Variants in TRIM27 observed in about 807,000 individuals in gnomAD.
The protein encoded by TRIM27 is zinc finger protein RFP.
TRIM27 carries 12 observed loss-of-function variants against 57.6 expected under a neutral mutation model. The observed-to-expected ratio is 0.21, with a 90% confidence interval of 0.13 to 0.34. The LOEUF is 0.34. Ranked by LOEUF, TRIM27 falls within the 10% of genes least tolerant of loss-of-function variation. TRIM27 has a pLI of 1.00. For missense variants in TRIM27, 403 were observed against 656.8 expected, an observed-to-expected ratio of 0.61 and a Z score of 4.22; for synonymous variants, 266 against 259.0, an observed-to-expected ratio of 1.03 and a Z score of -0.26.
rs914036518 is a variant in TRIM27, at chr6:28,923,386, T to A, written c.247A>T (p.Thr83Ser). ...NVTQLVKQLR[T>S]ERPSGPGGEM... ...CCGCCGGGCCCCGACGGCCGCTCGG[T>A]GCGCAGCTGCTTTACCAGTTGGGTC... The change falls in exon 1 of 8, where the codon ACC (threonine) becomes TCC (serine). Residue 83 changes from threonine (T) to serine (S), a missense_variant. Coordinates refer to ENST00000377199, the MANE Select transcript of TRIM27 (RefSeq NM_006510.5). 70 of 1,612,038 alleles carry A rather than the reference T, an allele frequency of 4.3e-5. No homozygotes were observed. The highest frequency in any genetic ancestry group is 6.7e-5 in the African/African-American group (5 of 74,894).
rs371586418 is a variant in TRIM27 at position 28,923,234 on chromosome 6, C to T, written c.399G>A (p.Glu133=). The T allele has an allele frequency of 3.6e-4, 576 of 1,597,506 alleles. 1 individual carries two copies. In the African/African-American group the frequency reaches 6.8e-3, roughly 19 times the overall value. Residue 133 remains glutamate, a synonymous_variant, in exon 1 of 8, where the codon GAG becomes GAA. Transcript: ENST00000377199. ...TCACCTTGAAGCCCTCCACCGCCTC[C>T]TCGAGCGGCAGCACGCTGTGGCCGC... ...EHRGHSVLPL[E]EAVEGFKEQI...
chr6:28,921,291 G>C (rs905681603), intron 2 of TRIM27, among the ~76,000 whole-genome samples: 4 of 151,688 alleles, frequency 2.6e-5, no homozygotes, highest in Non-Finnish European at 5.9e-5. Flanking sequence ...TGAGGTGGGA[G>C]AATCGCTTGA....
At position 28,904,925 on chromosome 6, in the gene TRIM27, T is replaced by TTTA. The variant is rs559275685; in HGVS notation, c.947-261_947-260insTAA. ...AGCCACAATATCCATCATGAACTGA[T>TTTA]TTTAAGAGATAGGGTCTTGCTCTGT... On this transcript the variant is annotated intron_variant, in intron 7 of 7. Coordinates refer to ENST00000377199, the MANE Select transcript of TRIM27 (RefSeq NM_006510.5). The surrounding 1 kb of genome is among the most constrained non-coding windows in gnomAD (Gnocchi z 6.1). 3.6e-4 allele frequency: 185 copies of TTTA among 518,338 alleles called. 1 individual carries two copies. The South Asian group carries it at 4.4e-3, about 12-fold the overall frequency. The allele number at this position is 518,338 out of a possible 1,614,324, so 32.1% of individuals were successfully genotyped here.
At position 28,903,935 on chromosome 6, in the gene TRIM27, C is replaced by T; in HGVS notation, c.*135G>A. 1.5e-6 allele frequency: 1 copy of T among 678,418 alleles called. No homozygotes were observed. The highest frequency in any genetic ancestry group is 2.6e-6 in the Non-Finnish European group (1 of 383,038). 42.0% of individuals were successfully genotyped at this position (678,418 alleles called of 1,614,324 possible). On this transcript the variant is annotated 3_prime_UTR_variant, in exon 8 of 8. Coordinates refer to ENST00000377199, the MANE Select transcript of TRIM27 (RefSeq NM_006510.5). ...GGAAAAGGATGGTAGAGAACATGGA[C>T]ATCCTGTCTCCCACTGCAAGGGCGT... is the stretch of plus-strand genomic sequence containing the variant.
intron 4 of TRIM27, among the ~76,000 whole-genome samples, chr6:28,910,145 CGAA>C (rs1773089070): frequency 1.1e-5 from 1 of 87,050 alleles, no homozygotes; most frequent in African/African-American, 4.2e-5. Flanking sequence ...AAAAAAAAAA[CGAA>C]GAAAAAAAGG....
At chr6:28,909,771 A>G (rs1773044632) in intron 4 of TRIM27, among the ~76,000 whole-genome samples, 1 of 152,174 alleles carries the variant, frequency 6.6e-6, no homozygotes, top group African/African-American at 2.4e-5. Flanking sequence ...ATAGAAAGGC[A>G]CTGTGGGGGA....
At chr6:28,922,134 A>T in intron 1 of TRIM27, 147 bp from the exon 2 acceptor site, 1 of 622,042 alleles carries the variant, frequency 1.6e-6, no homozygotes, top group Non-Finnish European at 2.8e-6. Flanking sequence ...CCCACAAGAG[A>T]CTCAGGGCGC....
chr6:28,917,289 C>T (rs975701386), intron 3 of TRIM27, among the ~76,000 whole-genome samples: 4 of 151,484 alleles, frequency 2.6e-5, no homozygotes, highest in East Asian at 4.0e-4. Context: ...GAAAGTTACA[C>T]GACAGGGGCT....
intron 3 of TRIM27, among the ~76,000 whole-genome samples, chr6:28,918,456 G>T (rs1315755115): frequency 6.6e-6 from 1 of 151,882 alleles, no homozygotes; most frequent in Admixed American, 6.6e-5. Flanking sequence ...AATCAAATGG[G>T]TATCAGCTTT....
chr6:28,913,798 G>A (rs956896071), intron 3 of TRIM27, among the ~76,000 whole-genome samples: 5 of 151,580 alleles, frequency 3.3e-5, no homozygotes, highest in East Asian at 1.9e-4. Flanking sequence ...CTTTTCTCTC[G>A]CAATACTTAA....
At chr6:28,912,209 G>A (rs535818276) in intron 3 of TRIM27, among the ~76,000 whole-genome samples, 9 of 150,916 alleles carry the variant, frequency 6.0e-5, no homozygotes, top group East Asian at 5.8e-4. Context: ...ACCCGGGTTC[G>A]AGCAATTCTC....
chr6:28,923,477 C>A lies in TRIM27; in HGVS notation c.156G>T (p.Ser52=). ...RCWGTAETNV[S]CPQCRETFPQ... ...GGAAGGTCTCCCGGCACTGCGGGCACGACACGTTAGTCTCTGCCGTGCCCC... is the reference window on the plus strand; with the variant it reads ...GGAAGGTCTCCCGGCACTGCGGGCAAGACACGTTAGTCTCTGCCGTGCCCC... Residue 52 remains serine, a synonymous_variant, in exon 1 of 8, where the codon TCG becomes TCT. Coordinates refer to ENST00000377199, the MANE Select transcript of TRIM27 (RefSeq NM_006510.5). 1 of 1,612,236 alleles carries A rather than the reference C, an allele frequency of 6.2e-7. No individual in the cohort carries two copies. Among genetic ancestry groups the A allele is most frequent in the South Asian group, 1.1e-5 (1 of 90,998 alleles).
chr6:28,914,916 C>T (rs1273273539), intron 3 of TRIM27: 1 of 151,634 alleles, frequency 6.6e-6, no homozygotes, highest in Non-Finnish European at 1.5e-5. Flanking sequence ...ATGGAAACAG[C>T]ATGTTCTCTT....
chr6:28,913,686 A>C (rs189799672), intron 3 of TRIM27, among the ~76,000 whole-genome samples: 2 of 150,950 alleles, frequency 1.3e-5, no homozygotes, highest in African/African-American at 4.8e-5. Flanking sequence ...TTCTCTTATT[A>C]TAAGTACAGC....
At chr6:28,922,974 T>C (rs1774160700) in intron 1 of TRIM27, among the ~76,000 whole-genome samples, 2 of 152,026 alleles carry the variant, frequency 1.3e-5, no homozygotes, top group East Asian at 1.9e-4. Context: ...GTGAGACAGG[T>C]AACATGGGGG....
intron 3 of TRIM27, among the ~76,000 whole-genome samples, chr6:28,913,123 C>T (rs1236420769): frequency 2.0e-5 from 3 of 151,764 alleles, no homozygotes; most frequent in South Asian, 2.1e-4. Context: ...GGCATGGTGG[C>T]GTATGCCTGT....
chr6:28,913,271 T>A (rs867329814), intron 3 of TRIM27, among the ~76,000 whole-genome samples: 1,683 of 137,676 alleles, frequency 0.012, 21 homozygotes, highest in South Asian at 0.041. Context: ...AAAAAAAAAA[T>A]ATATATATAT....
At chr6:28,910,406 T>C (rs57564128) in intron 4 of TRIM27, among the ~76,000 whole-genome samples, 7,744 of 152,148 alleles carry the variant, frequency 0.051, 290 homozygotes, top group African/African-American at 0.094. Context: ...CTCAGCTCAC[T>C]GCAACCTCCG....
chr6:28,909,231 C>A (rs1296170755), intron 4 of TRIM27, 143 bp from the exon 5 acceptor site: 2 of 624,776 alleles, frequency 3.2e-6, no homozygotes, highest in Non-Finnish European at 5.6e-6. Flanking sequence ...CCTCAGCCTC[C>A]TGAGTAGCTG....
Sources: allele counts gnomAD v4.1 joint callset (sites outside exome capture counted in the v4.1 genomes callset), GRCh38; gene constraint gnomAD v4.1.1; non-coding constraint Gnocchi (gnomAD v3.1); transcripts MANE v1.5; gene names NCBI Gene and HGNC (gene_info 2026-07-23, HGNC 2026-07-21).